The following RAB38 variants were observed in gnomAD, a reference collection of about 807,000 sequenced individuals.
RAB38 encodes RAB38, member RAS oncogene family, also known as ras-related protein Rab-38.
In RAB38, 15 loss-of-function variants were observed where a neutral mutation model predicts 18.4. The ratio of observed to expected loss-of-function variants is 0.82; its 90% CI spans 0.55 to 1.26. The LOEUF is 1.26. RAB38 is among the 50% of genes most tolerant of loss of function. The probability of loss-of-function intolerance (pLI) is 0.00; values close to 1 mark genes in which losing one functional copy is unlikely to be tolerated. For synonymous variants in RAB38, 101 were observed against 104.4 expected (o/e 0.97, Z 0.20); for missense variants, 294 against 267.4 (o/e 1.10, Z -0.69).
At chr11:88,111,891 T>C (rs1025624908), downstream of RAB38, among the ~76,000 whole-genome samples, 3 of 152,174 alleles carry the variant, frequency 2.0e-5, no homozygotes, top group Admixed American at 6.5e-5. Context: ...ACTCTAACAT[T>C]CCCACTTCTA....
At chr11:88,137,846 T>C (rs1482489161) in intron 2 of RAB38, among the ~76,000 whole-genome samples, 3 of 152,190 alleles carry the variant, frequency 2.0e-5, no homozygotes, top group Non-Finnish European at 4.4e-5. Flanking sequence ...ATGAGAATGG[T>C]ATGAGACTTC....
chr11:88,006,009 A>G, the RAB38 span, among the ~76,000 whole-genome samples: 1 of 151,498 alleles, frequency 6.6e-6, no homozygotes, highest in African/African-American at 2.4e-5. Context: ...CTGACAGAAT[A>G]GAAGAATATA....
the RAB38 span, among the ~76,000 whole-genome samples, chr11:87,818,281 A>G: frequency 6.6e-6 from 1 of 152,208 alleles, no homozygotes; most frequent in African/African-American, 2.4e-5. Flanking sequence ...TAATTTTTAT[A>G]TTCCTCAAAC....
At chr11:88,103,256 T>C in the RAB38 span, among the ~76,000 whole-genome samples, 1 of 152,070 alleles carries the variant, frequency 6.6e-6, no homozygotes, top group Non-Finnish European at 1.5e-5. Context: ...CTTAAACTTA[T>C]TGACAAGCAT....
chr11:87,845,137 T>C, the RAB38 span, among the ~76,000 whole-genome samples: 60 of 152,258 alleles, frequency 3.9e-4, 2 homozygotes, highest in Middle Eastern at 6.8e-3. Context: ...ATCCTGCAGA[T>C]TGTAATAGAT....
At chr11:88,061,088 G>A in the RAB38 span, among the ~76,000 whole-genome samples, 1 of 152,192 alleles carries the variant, frequency 6.6e-6, no homozygotes, top group African/African-American at 2.4e-5. Context: ...GCCCTACAAT[G>A]ATATGATGAA....
At chr11:88,007,820 G>T in the RAB38 span, among the ~76,000 whole-genome samples, 1 of 152,062 alleles carries the variant, frequency 6.6e-6, no homozygotes, top group East Asian at 1.9e-4. Flanking sequence ...CCAAAAACTA[G>T]GGGTAGGGGT....
chr11:88,159,272 AG>A (rs1170757992), intron 1 of RAB38, among the ~76,000 whole-genome samples: 1 of 151,520 alleles, frequency 6.6e-6, no homozygotes, highest in African/African-American at 2.4e-5. Flanking sequence ...CATCTAACCA[AG>A]GAAGAAGGTA....
At chr11:87,862,369 T>G in the RAB38 span, among the ~76,000 whole-genome samples, 1 of 151,844 alleles carries the variant, frequency 6.6e-6, no homozygotes, top group South Asian at 2.1e-4. Flanking sequence ...GGGGCATGGA[T>G]GGGGGTGGAG....
chr11:88,053,803 T>A, the RAB38 span, among the ~76,000 whole-genome samples: 3 of 151,744 alleles, frequency 2.0e-5, no homozygotes, highest in Non-Finnish European at 2.9e-5. Context: ...TTTTTTTTTT[T>A]TTTATTTTTT....
At chr11:87,975,060 T>C in the RAB38 span, among the ~76,000 whole-genome samples, 1 of 151,884 alleles carries the variant, frequency 6.6e-6, no homozygotes, top group Non-Finnish European at 1.5e-5. Flanking sequence ...CCAGCAATCC[T>C]TGGCATTCCT....
the RAB38 span, among the ~76,000 whole-genome samples, chr11:87,912,163 A>T: frequency 1.3e-3 from 192 of 152,062 alleles, no homozygotes; most frequent in African/African-American, 4.5e-3. Flanking sequence ...TGTAATTTTC[A>T]TTTTATTTAA....
At chr11:87,950,788 A>C in the RAB38 span, among the ~76,000 whole-genome samples, 1 of 152,180 alleles carries the variant, frequency 6.6e-6, no homozygotes, top group African/African-American at 2.4e-5. Context: ...TTTGTGGGTA[A>C]CCCGACCTTT....
At chr11:88,069,370 G>A in the RAB38 span, among the ~76,000 whole-genome samples, 10 of 152,178 alleles carry the variant, frequency 6.6e-5, no homozygotes, top group African/African-American at 1.4e-4. Flanking sequence ...CCTCCCCGAC[G>A]GGCACCAACC....
At chr11:88,109,895 T>C (rs1312045783), downstream of RAB38, among the ~76,000 whole-genome samples, 2 of 152,154 alleles carry the variant, frequency 1.3e-5, no homozygotes, top group East Asian at 1.9e-4. Flanking sequence ...TGTGGAGAAA[T>C]AGGAACACTT....
chr11:88,043,820 G>C, the RAB38 span, among the ~76,000 whole-genome samples: 1 of 152,122 alleles, frequency 6.6e-6, no homozygotes, highest in Non-Finnish European at 1.5e-5. Flanking sequence ...GCCATGGCTG[G>C]GATCAGGGGA....
the RAB38 span, among the ~76,000 whole-genome samples, chr11:88,101,858 A>T: frequency 1.3e-5 from 2 of 151,746 alleles, no homozygotes; most frequent in African/African-American, 4.8e-5. Flanking sequence ...ATATTTATAT[A>T]CTATTAACAT....
chr11:87,876,960 G>T, the RAB38 span, among the ~76,000 whole-genome samples: 1 of 151,532 alleles, frequency 6.6e-6, no homozygotes, highest in East Asian at 2.0e-4. Flanking sequence ...GGCATTAGAA[G>T]AAATCTTAAA....
At chr11:87,938,501 G>A in the RAB38 span, among the ~76,000 whole-genome samples, 6 of 151,928 alleles carry the variant, frequency 3.9e-5, no homozygotes, top group South Asian at 2.1e-4. Flanking sequence ...TCCCACTTGC[G>A]TTAACTGCTA....
Sources: gnomAD v4.1 joint callset for allele counts (sites outside exome capture counted in the v4.1 genomes callset) on GRCh38, gnomAD v4.1.1 for gene constraint, MANE v1.5 for transcripts, NCBI Gene and HGNC (gene_info 2026-07-23, HGNC 2026-07-21) for gene names.